FGF12: variants seen among roughly 807,000 people sequenced by gnomAD.
FGF12 encodes the protein fibroblast growth factor 12B.
In FGF12, 14 loss-of-function variants were observed where a neutral mutation model predicts 23.6. The ratio of observed to expected loss-of-function variants is 0.59; its 90% confidence interval spans 0.39 to 0.93. The LOEUF is 0.93. Ranked by LOEUF, FGF12 falls within the 40% of genes least tolerant of loss-of-function variation. The probability of loss-of-function intolerance (pLI) is 0.00; values close to 1 mark genes in which losing one functional copy is unlikely to be tolerated. For missense variants in FGF12, 175 were observed against 217.8 expected (o/e 0.80, Z 1.24); for synonymous variants, 62 against 77.3 (o/e 0.80, Z 1.04).
intron 5 of FGF12, among the ~76,000 whole-genome samples, chr3:192,154,670 T>C (rs1714256430): frequency 7.0e-6 from 1 of 142,902 alleles, no homozygotes; most frequent in African/African-American, 2.6e-5. Flanking sequence ...AGTCTGCCCG[T>C]TCTCAGATCT....
At chr3:192,326,723 T>C (rs528143117) in intron 4 of FGF12, among the ~76,000 whole-genome samples, 12 of 152,320 alleles carry the variant, frequency 7.9e-5, no homozygotes, top group African/African-American at 2.6e-4. Context: ...GCTTTTTATA[T>C]TATGTTGGAA....
At chr3:192,700,777 G>A (rs1054391851) in intron 2 of FGF12, among the ~76,000 whole-genome samples, 22 of 152,182 alleles carry the variant, frequency 1.4e-4, no homozygotes, top group African/African-American at 4.8e-4. Flanking sequence ...TTGCTCCTTT[G>A]GAATTCAGGC....
At chr3:192,342,136 C>CA (rs771294891) in intron 3 of FGF12, among the ~76,000 whole-genome samples, 3 of 152,160 alleles carry the variant, frequency 2.0e-5, no homozygotes, top group Admixed American at 6.5e-5. Flanking sequence ...TTATGATCCC[C>CA]AATGCCTAGC....
At chr3:192,160,641 T>A (rs1714817880) in intron 5 of FGF12, among the ~76,000 whole-genome samples, 1 of 152,192 alleles carries the variant, frequency 6.6e-6, no homozygotes, top group Admixed American at 6.6e-5. Context: ...TTTCTAGACA[T>A]AAATGCTATC....
At chr3:192,265,708 C>T (rs1295821604) in intron 4 of FGF12, among the ~76,000 whole-genome samples, 2 of 151,962 alleles carry the variant, frequency 1.3e-5, no homozygotes, top group Admixed American at 6.6e-5. Flanking sequence ...TTAAGCTATA[C>T]ACCAGAGAGT....
At chr3:192,349,578 A>T (rs1414815073) in intron 3 of FGF12, among the ~76,000 whole-genome samples, 1 of 152,098 alleles carries the variant, frequency 6.6e-6, no homozygotes, top group African/African-American at 2.4e-5. Flanking sequence ...TGATGTCTCT[A>T]TAATTGTCAA....
At chr3:192,158,673 C>CCTCT (rs74186084) in intron 5 of FGF12, among the ~76,000 whole-genome samples, 3 of 84,926 alleles carry the variant, frequency 3.5e-5, no homozygotes, top group African/African-American at 2.2e-4. Flanking sequence ...TCCCTCCCTC[C>CCTCT]CTCTCTCTCT....
intron 4 of FGF12, among the ~76,000 whole-genome samples, chr3:192,326,060 C>T (rs4687319): frequency 0.87 from 131,654 of 152,156 alleles, 57,404 homozygotes; most frequent in East Asian, 1. Context: ...CTCTATCAAC[C>T]GATTCAACTA....
chr3:192,160,516 TA>T (rs1714808022), intron 5 of FGF12, among the ~76,000 whole-genome samples: 2 of 152,186 alleles, frequency 1.3e-5, no homozygotes, highest in South Asian at 4.1e-4. Flanking sequence ...TCATCTTCTC[TA>T]AAAAATTTAC....
At chr3:192,433,365 T>G (rs751887403) in intron 2 of FGF12, among the ~76,000 whole-genome samples, 5 of 152,202 alleles carry the variant, frequency 3.3e-5, no homozygotes, top group African/African-American at 7.2e-5. Context: ...TTATATAACT[T>G]GGGAAACTCT....
intron 2 of FGF12, among the ~76,000 whole-genome samples, chr3:192,619,965 A>C (rs1714910058): frequency 6.6e-6 from 1 of 152,116 alleles, no homozygotes; most frequent in African/African-American, 2.4e-5. Flanking sequence ...ATGGGTTGAG[A>C]GGACAAAAAT....
At chr3:192,485,990 G>A (rs1228559660) in intron 2 of FGF12, among the ~76,000 whole-genome samples, 2 of 152,002 alleles carry the variant, frequency 1.3e-5, no homozygotes, top group Admixed American at 1.3e-4. Flanking sequence ...TATATAATAC[G>A]TAGTAAAAAT....
intron 2 of FGF12, among the ~76,000 whole-genome samples, chr3:192,558,502 C>T (rs186900266): frequency 1.5e-4 from 23 of 151,842 alleles, no homozygotes; most frequent in African/African-American, 5.3e-4. Context: ...AATGTCGAGA[C>T]CACCCAAAGT....
At chr3:192,380,173 T>G (rs1431541028) in intron 2 of FGF12, among the ~76,000 whole-genome samples, 1 of 152,216 alleles carries the variant, frequency 6.6e-6, no homozygotes, top group African/African-American at 2.4e-5. Flanking sequence ...AGATGATGTC[T>G]AGTTTCAGTT....
chr3:192,491,639 T>C lies in FGF12; in HGVS notation c.14-131101A>G, dbSNP rs544699977. Among the ~76,000 whole-genome samples, 6 of 152,296 alleles carry C rather than the reference T, an allele frequency of 3.9e-5. No homozygotes were observed. In the South Asian group the frequency reaches 1.2e-3, roughly 32 times the overall value. On this transcript the variant is annotated intron_variant, in intron 2 of 5. Transcript: ENST00000445105. Reference sequence around the variant, plus strand: ...ATGTCTGCCTCACAAAATTGCTATGTATCTCAAGAGACTTAATGTATATGA... The same window carrying C: ...ATGTCTGCCTCACAAAATTGCTATGCATCTCAAGAGACTTAATGTATATGA...
At chr3:192,294,712 T>C (rs1418250069) in intron 4 of FGF12, among the ~76,000 whole-genome samples, 1 of 152,226 alleles carries the variant, frequency 6.6e-6, no homozygotes, top group Non-Finnish European at 1.5e-5. Flanking sequence ...TTTTGGCTTA[T>C]AGGGAAAAGT....
intron 4 of FGF12, among the ~76,000 whole-genome samples, chr3:192,215,658 T>C (rs142685378): frequency 8.9e-4 from 135 of 152,312 alleles, no homozygotes; most frequent in Middle Eastern, 3.4e-3. Context: ...GAAGTTCTCA[T>C]TGTCTCTCCA....
intron 2 of FGF12, among the ~76,000 whole-genome samples, chr3:192,722,548 G>T (rs1322584040): frequency 6.6e-6 from 1 of 152,132 alleles, no homozygotes; most frequent in African/African-American, 2.4e-5. Context: ...TCTCTCTTGA[G>T]AGAGTGGGTC....
chr3:192,246,291 T>C (rs1049520793), intron 4 of FGF12, among the ~76,000 whole-genome samples: 1 of 152,046 alleles, frequency 6.6e-6, no homozygotes, highest in African/African-American at 2.4e-5. Flanking sequence ...CAAGAACCAC[T>C]TGGAACAATA....
Sources: gnomAD v4.1 joint callset for allele counts (sites outside exome capture counted in the v4.1 genomes callset) on GRCh38, gnomAD v4.1.1 for gene constraint, MANE v1.5 for transcripts, NCBI Gene and HGNC (gene_info 2026-07-23, HGNC 2026-07-21) for gene names.